Variants in ERC2 observed in about 807,000 individuals in gnomAD.
The protein encoded by ERC2 is ELKS/RAB6-interacting/CAST family member 2.
ERC2 carries 42 observed loss-of-function variants against 114.8 expected under a neutral mutation model. That is an observed-to-expected ratio of 0.37 (90% CI 0.29 to 0.47). The LOEUF is 0.47. Ranked by LOEUF, ERC2 falls within the 20% of genes least tolerant of loss-of-function variation. The probability of loss-of-function intolerance (pLI) is 0.99; values close to 1 mark genes in which losing one functional copy is unlikely to be tolerated. For synonymous variants in ERC2, 454 were observed against 425.5 expected (o/e 1.07, Z -0.82); for missense variants, 939 against 1,150.7 (o/e 0.82, Z 2.66).
At chr3:55,844,120 C>T (rs2061252264) in intron 14 of ERC2, among the ~76,000 whole-genome samples, 1 of 152,160 alleles carries the variant, frequency 6.6e-6, no homozygotes, top group Non-Finnish European at 1.5e-5. Context: ...GTGAGGTCCA[C>T]TTTCATGCAA....
At chr3:55,981,338 A>C (rs1361974610) in intron 12 of ERC2, among the ~76,000 whole-genome samples, 1 of 152,218 alleles carries the variant, frequency 6.6e-6, no homozygotes, top group Admixed American at 6.5e-5. Flanking sequence ...GAAGGATATA[A>C]TTTTCTGACC....
chr3:55,742,624 G>A (rs746676576), intron 14 of ERC2, among the ~76,000 whole-genome samples: 7 of 152,102 alleles, frequency 4.6e-5, no homozygotes, highest in Admixed American at 2.0e-4. Flanking sequence ...GAAAAAGTCC[G>A]CTCAATCAAC....
At chr3:56,067,633 G>C (rs1051349522) in intron 7 of ERC2, among the ~76,000 whole-genome samples, 6 of 152,126 alleles carry the variant, frequency 3.9e-5, no homozygotes, top group Non-Finnish European at 8.8e-5. Flanking sequence ...TTTTCAAAGG[G>C]AATGCTTCCA....
intron 14 of ERC2, among the ~76,000 whole-genome samples, chr3:55,877,607 G>C (rs1030787303): frequency 6.6e-6 from 1 of 151,006 alleles, no homozygotes; most frequent in African/African-American, 2.4e-5. Context: ...AACCTCCCAG[G>C]CTCAAGAGAT....
At chr3:56,435,655 A>T (rs1260431989) in intron 1 of ERC2, among the ~76,000 whole-genome samples, 1 of 152,132 alleles carries the variant, frequency 6.6e-6, no homozygotes, top group African/African-American at 2.4e-5. Context: ...TACAGACATC[A>T]CTAATCCATC....
intron 14 of ERC2, among the ~76,000 whole-genome samples, chr3:55,760,815 G>A (rs1277950838): frequency 6.6e-6 from 1 of 152,212 alleles, no homozygotes; most frequent in Non-Finnish European, 1.5e-5. Context: ...AGCATATGGA[G>A]TCAGTTAACC....
intron 1 of ERC2, among the ~76,000 whole-genome samples, chr3:56,457,398 TC>T (rs1308042222): frequency 6.6e-6 from 1 of 152,038 alleles, no homozygotes; most frequent in Non-Finnish European, 1.5e-5. Context: ...TTGCTAGGAG[TC>T]CCAAAGCCAT....
chr3:55,886,784 G>T (rs1414758203), intron 14 of ERC2, among the ~76,000 whole-genome samples: 1 of 152,174 alleles, frequency 6.6e-6, no homozygotes, highest in Non-Finnish European at 1.5e-5. Context: ...TATATATGCT[G>T]TGCTTATAAA....
At chr3:55,913,782 A>C (rs1286608211) in intron 13 of ERC2, among the ~76,000 whole-genome samples, 2 of 152,132 alleles carry the variant, frequency 1.3e-5, no homozygotes, top group African/African-American at 2.4e-5. Flanking sequence ...CATCATCCAG[A>C]CTTTTCACAC....
chr3:56,225,974 C>T (rs1345351333), intron 3 of ERC2, among the ~76,000 whole-genome samples: 1 of 152,186 alleles, frequency 6.6e-6, no homozygotes, highest in Admixed American at 6.5e-5. Flanking sequence ...CAGAACTGCG[C>T]CTCATGCACT....
chr3:55,929,461 G>T (rs1017520729), intron 13 of ERC2, among the ~76,000 whole-genome samples: 4 of 152,072 alleles, frequency 2.6e-5, no homozygotes, highest in African/African-American at 9.7e-5. Context: ...CTTGACTTTT[G>T]ATCTTCCTTG....
chr3:56,204,234 G>T (rs1430823710), intron 3 of ERC2, among the ~76,000 whole-genome samples: 2 of 152,092 alleles, frequency 1.3e-5, no homozygotes, highest in African/African-American at 4.8e-5. Flanking sequence ...AGTGCATCAG[G>T]TTGCTCTAAG....
In ERC2 at chr3:56,148,307, A is replaced by G. The variant is rs149221672; in HGVS notation, c.1305+670T>C. Among the ~76,000 whole-genome samples the G allele has an allele frequency of 2.5e-3, 378 of 151,390 alleles. 1 individual carries two copies. The highest frequency in any genetic ancestry group is 8.8e-3 in the African/African-American group (364 of 41,306). ...AGCTTAATAACTTTTTTTTTTTGAG[A>G]TGTAGTCTTGCTCTGTCACCCAGGC... On this transcript the variant is annotated intron_variant, in intron 5 of 17. Coordinates refer to ENST00000288221, the MANE Select transcript of ERC2 (RefSeq NM_015576.3).
At chr3:55,592,013 G>T (rs2057914615) in intron 17 of ERC2, among the ~76,000 whole-genome samples, 1 of 152,202 alleles carries the variant, frequency 6.6e-6, no homozygotes, top group African/African-American at 2.4e-5. Context: ...TGCTTGAAAA[G>T]ATGCCAAGGA....
At chr3:55,938,238 T>G (rs2066576676) in intron 13 of ERC2, among the ~76,000 whole-genome samples, 1 of 151,500 alleles carries the variant, frequency 6.6e-6, no homozygotes, top group East Asian at 1.9e-4. Context: ...ATTTAAAATA[T>G]AGAGCTATGT....
At chr3:55,571,077 G>A (rs138015139) in intron 17 of ERC2, among the ~76,000 whole-genome samples, 3 of 135,756 alleles carry the variant, frequency 2.2e-5, no homozygotes, top group East Asian at 2.2e-4. Context: ...GCAGTAAGCC[G>A]AGATTGTGCC....
At chr3:55,713,956 A>C (rs1175261696) in intron 15 of ERC2, among the ~76,000 whole-genome samples, 1 of 152,184 alleles carries the variant, frequency 6.6e-6, no homozygotes, top group East Asian at 1.9e-4. Flanking sequence ...CCTTATCAAA[A>C]ACCAAAGTGA....
intron 4 of ERC2, among the ~76,000 whole-genome samples, chr3:56,165,999 A>ACC (rs1190960111): frequency 2.0e-5 from 3 of 152,012 alleles, no homozygotes; most frequent in African/African-American, 7.2e-5. Context: ...TCAACATTTT[A>ACC]CCATTGAACA....
chr3:56,394,688 C>T (rs58449031), intron 2 of ERC2, among the ~76,000 whole-genome samples: 8,080 of 152,114 alleles, frequency 0.053, 456 homozygotes, highest in African/African-American at 0.14. Context: ...CCCCCTAGTA[C>T]GGCTATAATC....
Sources: gnomAD v4.1 joint callset for allele counts (sites outside exome capture counted in the v4.1 genomes callset) on GRCh38, gnomAD v4.1.1 for gene constraint, MANE v1.5 for transcripts, NCBI Gene and HGNC (gene_info 2026-07-23, HGNC 2026-07-21) for gene names.